The following INTU variants were observed in gnomAD, a reference collection of about 807,000 sequenced individuals.
INTU encodes protein inturned.
Under a neutral mutation model 100.5 loss-of-function variants are expected in INTU, and 68 were observed. That is an observed-to-expected ratio of 0.68 (90% CI 0.56 to 0.83). INTU has a LOEUF of 0.83. Ranked by LOEUF, INTU falls within the 40% of genes least tolerant of loss-of-function variation. INTU has a pLI of 0.00. For missense variants in INTU, 1,071 were observed against 1,114.7 expected, an observed-to-expected ratio of 0.96 and a Z score of 0.56; for synonymous variants, 357 against 395.7, an observed-to-expected ratio of 0.90 and a Z score of 1.16.
Position 127,669,096 on chromosome 4 carries a change from G to C in INTU, c.1033G>C (p.Gly345Arg). 6.4e-7 allele frequency: 1 copy of C among 1,554,920 alleles called. No homozygotes were observed. The highest frequency in any genetic ancestry group is 8.7e-7 in the Non-Finnish European group (1 of 1,143,872). The change falls in exon 5 of 16, where the codon GGG becomes CGG. Residue 345 changes from glycine to arginine, a missense_variant. Coordinates refer to ENST00000335251, the MANE Select transcript of INTU (RefSeq NM_015693.4). ...ATCTCAGAAACTTAAAAGTGTGAGA[G>C]GGATTTTTCTCACACTCTGTGACAT... ...EASQKLKSVR[G>R]IFLTLCDMLE...
At chr4:127,686,366 C>T (rs1342932912) in intron 7 of INTU, 1 of 152,316 alleles carries the variant, frequency 6.6e-6, no homozygotes, top group Non-Finnish European at 1.5e-5. Context: ...TCACACACTA[C>T]AGTAGCCTCC....
At chr4:127,649,874 GA>G (rs1395104670) in intron 2 of INTU, among the ~76,000 whole-genome samples, 1 of 152,032 alleles carries the variant, frequency 6.6e-6, no homozygotes, top group Non-Finnish European at 1.5e-5. Context: ...ATATATTTAG[GA>G]ATGATGAGAA....
At chr4:127,681,756 A>G (rs536501603) in intron 6 of INTU, among the ~76,000 whole-genome samples, 3 of 152,302 alleles carry the variant, frequency 2.0e-5, no homozygotes, top group South Asian at 2.1e-4. Flanking sequence ...GACAAATGGG[A>G]TCTAATTAAA....
intron 2 of INTU, among the ~76,000 whole-genome samples, chr4:127,655,993 C>CT (rs1305467925): frequency 4.6e-5 from 7 of 152,226 alleles, no homozygotes; most frequent in East Asian, 1.9e-4. Context: ...TTTCCAGGTG[C>CT]GTCCGTCACC....
rs1731318062 is a variant in INTU, at chr4:127,719,710, G to C, written c.*3274G>C. On this transcript the variant is annotated 3_prime_UTR_variant, in exon 16 of 16. Coordinates refer to ENST00000335251, the MANE Select transcript of INTU (RefSeq NM_015693.4). Reference sequence around the variant, plus strand: ...TCAACTTCTTCCTGGTTCAGTCTTGGGAGGGTGTATGTGTCCAGGAATTTA... The same window carrying C: ...TCAACTTCTTCCTGGTTCAGTCTTGCGAGGGTGTATGTGTCCAGGAATTTA... 1 of 152,068 alleles carries C rather than the reference G, an allele frequency of 6.6e-6. No homozygotes were observed. The highest frequency in any genetic ancestry group is 1.5e-5 in the Non-Finnish European group (1 of 68,028). The allele number at this position is 152,068 out of a possible 1,614,324, so 9.4% of individuals were successfully genotyped here. A position where few individuals can be genotyped will look rare whatever the true frequency, so the allele number is the denominator to read the frequency against.
At chr4:127,699,133 C>T (rs1730529414) in intron 8 of INTU, 2 of 152,088 alleles carry the variant, frequency 1.3e-5, no homozygotes, top group Non-Finnish European at 2.9e-5. Flanking sequence ...TGCGCCACTG[C>T]ACTCCAGCCT....
At chr4:127,694,080 C>T (rs1730274085) in intron 8 of INTU, among the ~76,000 whole-genome samples, 2 of 152,042 alleles carry the variant, frequency 1.3e-5, no homozygotes, top group African/African-American at 4.8e-5. Context: ...GTGATACTGG[C>T]TTCATACAAT....
At chr4:127,645,232 C>T (rs1207551443) in intron 2 of INTU, among the ~76,000 whole-genome samples, 2 of 152,140 alleles carry the variant, frequency 1.3e-5, no homozygotes, top group Admixed American at 6.5e-5. Flanking sequence ...GTGACTACAG[C>T]TTAATTGGTG....
rs569391157 is a variant in INTU, at chr4:127,677,990, A to T, written c.1181+3777A>T. On this transcript the variant is annotated intron_variant, in intron 6 of 15. Transcript: ENST00000335251. ...AGGAGCCGATGCAATCAACTGGAAGAAAGGGTATCAGTGATGGAAGATGAA... is the reference window on the plus strand; with the variant it reads ...AGGAGCCGATGCAATCAACTGGAAGTAAGGGTATCAGTGATGGAAGATGAA... Among the ~76,000 whole-genome samples the T allele has an allele frequency of 2.6e-5, 4 of 152,342 alleles. No individual in the cohort carries two copies. In the South Asian group the frequency reaches 8.3e-4, roughly 32 times the overall value.
intron 1 of INTU, among the ~76,000 whole-genome samples, chr4:127,640,172 C>G (rs1460884073): frequency 6.6e-6 from 1 of 151,992 alleles, no homozygotes; most frequent in African/African-American, 2.4e-5. Context: ...ATGTCAGGAA[C>G]AACATTATTG....
Position 127,635,110 on chromosome 4 carries a change from ACT to A in INTU, c.146+1931_146+1932del, listed in dbSNP as rs532112903. On this transcript the variant is annotated intron_variant, in intron 1 of 15. Transcript: ENST00000335251. ...TAACTGCGTGTTCTTTTTAGAAGTT[ACT>A]GTTTCATACATGCTTTGTACCTGAG... Among the ~76,000 whole-genome samples the A allele has an allele frequency of 6.6e-3, 999 of 152,342 alleles. 12 individuals carry two copies. The highest frequency in any genetic ancestry group is 0.022 in the African/African-American group (935 of 41,584).
chr4:127,683,629 G>A (rs1396138236), intron 6 of INTU, among the ~76,000 whole-genome samples: 1 of 152,118 alleles, frequency 6.6e-6, no homozygotes, highest in African/African-American at 2.4e-5. Context: ...AATTTAGGGT[G>A]GGGCACATGA....
intron 5 of INTU, among the ~76,000 whole-genome samples, chr4:127,669,667 A>C (rs576361942): frequency 1.2e-4 from 18 of 151,786 alleles, no homozygotes; most frequent in Non-Finnish European, 2.4e-4. Context: ...AAAAATACAA[A>C]ATGTTCTTTA....
At chr4:127,663,650 C>T in intron 4 of INTU, 66 bp downstream of exon 4, 1 of 1,259,044 alleles carries the variant, frequency 7.9e-7, no homozygotes, top group Non-Finnish European at 1.1e-6. Flanking sequence ...AAGTAAGGAC[C>T]TTTTATCGTA....
intron 3 of INTU, among the ~76,000 whole-genome samples, chr4:127,658,018 A>G (rs1039045701): frequency 6.6e-6 from 1 of 152,088 alleles, no homozygotes; most frequent in African/African-American, 2.4e-5. Flanking sequence ...TGAGAGGATG[A>G]AGTCGTTTTT....
rs1358098903 is a variant in INTU, at chr4:127,690,951, T to C, written c.1449+3084T>C. On this transcript the variant is annotated intron_variant, in intron 8 of 15. Coordinates refer to ENST00000335251, the MANE Select transcript of INTU (RefSeq NM_015693.4). ...ATGACATGGATCCATCCTTTTAGTA[T>C]CATACAGAGTAGTTTCACAGCCCCA... Among the ~76,000 whole-genome samples the C allele has an allele frequency of 2.6e-5, 4 of 152,262 alleles. No individual in the cohort carries two copies. The East Asian group carries it at 5.8e-4, about 22-fold the overall frequency.
At chr4:127,658,545 A>G (rs1169573432) in intron 3 of INTU, among the ~76,000 whole-genome samples, 1 of 152,190 alleles carries the variant, frequency 6.6e-6, no homozygotes, top group Non-Finnish European at 1.5e-5. Flanking sequence ...CCCCAAGTGG[A>G]GTAGCTATGT....
intron 6 of INTU, among the ~76,000 whole-genome samples, chr4:127,683,642 G>A (rs1277674225): frequency 2.6e-5 from 4 of 152,220 alleles, no homozygotes; most frequent in South Asian, 4.2e-4. Flanking sequence ...GCACATGATC[G>A]AGGGACATGT....
At chr4:127,707,505 C>T (rs1044963457) in intron 12 of INTU, among the ~76,000 whole-genome samples, 1 of 151,784 alleles carries the variant, frequency 6.6e-6, no homozygotes, top group Admixed American at 6.6e-5. Context: ...TCTCAATTTC[C>T]GTGTTCATCT....
Sources: gnomAD v4.1 joint callset for allele counts (sites outside exome capture counted in the v4.1 genomes callset) on GRCh38, gnomAD v4.1.1 for gene constraint, MANE v1.5 for transcripts, NCBI Gene and HGNC (gene_info 2026-07-23, HGNC 2026-07-21) for gene names.